The following ATG10 variants were observed in gnomAD, a reference collection of about 807,000 sequenced individuals.
The protein encoded by ATG10 is ubiquitin-like-conjugating enzyme ATG10.
In ATG10, 30 loss-of-function variants were observed where a neutral mutation model predicts 32.1. The observed-to-expected ratio is 0.94, with a 90% CI of 0.70 to 1.27. ATG10 has a LOEUF of 1.27. ATG10 is among the 50% of genes most tolerant of loss of function. ATG10 has a pLI of 0.00. For missense variants in ATG10, 233 were observed against 262.3 expected (o/e 0.89, Z 0.77); for synonymous variants, 87 against 91.5 (o/e 0.95, Z 0.28).
intron 4 of ATG10, among the ~76,000 whole-genome samples, chr5:82,176,958 A>G (rs954109555): frequency 6.6e-6 from 1 of 152,236 alleles, no homozygotes; most frequent in East Asian, 1.9e-4. Context: ...TAGGTCAAAC[A>G]TGAGAAATGC....
At chr5:82,083,498 A>G (rs900829306) in intron 3 of ATG10, among the ~76,000 whole-genome samples, 6 of 152,202 alleles carry the variant, frequency 3.9e-5, no homozygotes, top group South Asian at 2.1e-4. Context: ...CTCCCAGCAC[A>G]GAGTTTGAGA....
chr5:82,081,333 A>G (rs1438159575), intron 3 of ATG10, among the ~76,000 whole-genome samples: 1 of 152,112 alleles, frequency 6.6e-6, no homozygotes, highest in Admixed American at 6.5e-5. Context: ...CTCTTTTCCT[A>G]ATTGAATACC....
chr5:82,038,321 C>T (rs1388391285), intron 2 of ATG10, among the ~76,000 whole-genome samples: 2 of 152,150 alleles, frequency 1.3e-5, no homozygotes, highest in Non-Finnish European at 2.9e-5. Flanking sequence ...GAGCATTTAT[C>T]CATTGGTTTC....
intron 3 of ATG10, among the ~76,000 whole-genome samples, chr5:82,150,698 G>T (rs1238209454): frequency 6.6e-6 from 1 of 152,138 alleles, no homozygotes; most frequent in Non-Finnish European, 1.5e-5. Flanking sequence ...CACAGGGCTG[G>T]CCTTTCCTCA....
chr5:82,065,512 G>T (rs1316084950), intron 3 of ATG10, among the ~76,000 whole-genome samples: 3 of 151,594 alleles, frequency 2.0e-5, no homozygotes, highest in African/African-American at 7.3e-5. Flanking sequence ...AAATATAAAT[G>T]AATAATTTCA....
intron 3 of ATG10, among the ~76,000 whole-genome samples, chr5:82,127,094 G>A (rs1328986730): frequency 1.3e-5 from 2 of 152,170 alleles, no homozygotes; most frequent in African/African-American, 4.8e-5. Context: ...ATTCTCTGAT[G>A]GTAGTTTGTA....
chr5:82,216,628 A>G (rs1053796365), intron 5 of ATG10, among the ~76,000 whole-genome samples: 2 of 152,382 alleles, frequency 1.3e-5, no homozygotes, highest in East Asian at 3.9e-4. Context: ...AGCAAAAGCC[A>G]CTTCTAGATA....
intron 3 of ATG10, among the ~76,000 whole-genome samples, chr5:82,085,303 C>G (rs1446669247): frequency 1.3e-5 from 2 of 151,882 alleles, no homozygotes; most frequent in Non-Finnish European, 2.9e-5. Context: ...ATATATGCAC[C>G]CAATACAGGA....
Position 82,058,608 on chromosome 5 carries a change from T to C in ATG10, c.216+6T>C. On this transcript the variant is annotated splice_donor_region_variant and intron_variant, in intron 3 of 7. Coordinates refer to ENST00000282185, the MANE Select transcript of ATG10 (RefSeq NM_031482.5). ...AGACATGTCTTCCCATGGAGGTGAGTAGTTTAATGCATCATGTTCTTTTCA... is the reference window on the plus strand; with the variant it reads ...AGACATGTCTTCCCATGGAGGTGAGCAGTTTAATGCATCATGTTCTTTTCA... 1.9e-6 allele frequency: 3 copies of C among 1,562,306 alleles called. No homozygotes were observed. Among genetic ancestry groups the C allele is most frequent in the Non-Finnish European group, 2.6e-6 (3 of 1,135,718 alleles).
At position 82,000,920 on chromosome 5, in the gene ATG10, A is replaced by C. The variant is rs565344757; in HGVS notation, c.108+13242A>C. 2.8e-4 allele frequency among the ~76,000 whole-genome samples: 43 copies of C among 152,214 alleles called. 1 individual carries two copies. Among genetic ancestry groups the C allele is most frequent in the Admixed American group, 1.6e-3 (24 of 15,284 alleles). On this transcript the variant is annotated intron_variant, in intron 2 of 7. Transcript: ENST00000282185. ...GATCTGCTCGCCTTGGCCTCCCAAA[A>C]TGCTGGAATTACAGGTGTGAGCCAC... is the stretch of plus-strand genomic sequence containing the variant.
At chr5:82,217,190 C>T (rs1209363928) in intron 5 of ATG10, among the ~76,000 whole-genome samples, 2 of 152,098 alleles carry the variant, frequency 1.3e-5, no homozygotes, top group Non-Finnish European at 2.9e-5. Flanking sequence ...ATGAGTTTTG[C>T]AATCAAACAG....
intron 3 of ATG10, among the ~76,000 whole-genome samples, chr5:82,118,941 T>A (rs1472713432): frequency 6.6e-6 from 1 of 152,150 alleles, no homozygotes; most frequent in Non-Finnish European, 1.5e-5. Context: ...AGGAGGGCAA[T>A]GTCTTGGGAT....
At chr5:82,105,939 A>G (rs1765433953) in intron 3 of ATG10, among the ~76,000 whole-genome samples, 2 of 152,198 alleles carry the variant, frequency 1.3e-5, no homozygotes, top group South Asian at 2.1e-4. Context: ...CCTGATTTCA[A>G]TAACAATTTT....
Position 82,211,612 on chromosome 5 carries a change from C to T in ATG10, c.453+33025C>T, listed in dbSNP as rs1368858362. On this transcript the variant is annotated intron_variant, in intron 5 of 7. Coordinates refer to ENST00000282185, the MANE Select transcript of ATG10 (RefSeq NM_031482.5). ...CAAGAGGATTCTGCTTCCCCTGCACCTTCTCTTTCCTGCAGATCTCAAGCT... is the reference window on the plus strand; with the variant it reads ...CAAGAGGATTCTGCTTCCCCTGCACTTTCTCTTTCCTGCAGATCTCAAGCT... Among the ~76,000 whole-genome samples the T allele has an allele frequency of 2.6e-5, 4 of 152,306 alleles. No homozygotes were observed. In the East Asian group the frequency reaches 7.7e-4, roughly 29 times the overall value.
intron 3 of ATG10, among the ~76,000 whole-genome samples, chr5:82,076,351 A>G (rs1427995367): frequency 3.3e-5 from 5 of 152,182 alleles, no homozygotes; most frequent in Non-Finnish European, 4.4e-5. Flanking sequence ...ATCTTATTTA[A>G]AATTTTAATG....
intron 2 of ATG10, among the ~76,000 whole-genome samples, chr5:82,009,143 A>G (rs1762060445): frequency 6.6e-6 from 1 of 152,202 alleles, no homozygotes; most frequent in Admixed American, 6.5e-5. Flanking sequence ...TAAAGGGTGT[A>G]CGGTTAAAAG....
At chr5:82,208,213 TTTA>T (rs939779272) in intron 5 of ATG10, among the ~76,000 whole-genome samples, 2 of 152,146 alleles carry the variant, frequency 1.3e-5, no homozygotes, top group Non-Finnish European at 2.9e-5. Context: ...TTACTATAAG[TTTA>T]TAATAAGTCT....
rs558779158 is a variant in ATG10, at chr5:81,989,603, A to AT, written c.108+1939dup. Among the ~76,000 whole-genome samples the AT allele has an allele frequency of 3.2e-3, 458 of 143,726 alleles. 4 individuals carry two copies. The South Asian group carries it at 0.032, about 10-fold the overall frequency. The allele number at this position is 143,726 out of a possible 152,430, so 94.3% of individuals were successfully genotyped here. On this transcript the variant is annotated intron_variant, in intron 2 of 7. Coordinates refer to ENST00000282185, the MANE Select transcript of ATG10 (RefSeq NM_031482.5). ...TAGTTTTGTTTGCTATTATGTTTCA[A>AT]TTTTTTTTTTTTTTGAGACGAGTCT...
At position 82,015,495 on chromosome 5, in the gene ATG10, G is replaced by A. The variant is rs911680087; in HGVS notation, c.108+27817G>A. On this transcript the variant is annotated intron_variant, in intron 2 of 7. Transcript: ENST00000282185. The stretch of plus-strand genomic sequence containing the variant: ...GACGTAGATTTGGTCTTTTCACATA[G>A]TCCCATATTTCTTGGAGGCTTTGTT... Among the ~76,000 whole-genome samples, 4 of 152,112 alleles carry A rather than the reference G, an allele frequency of 2.6e-5. No individual in the cohort carries two copies. In the South Asian group the frequency reaches 8.3e-4, roughly 32 times the overall value.
Sources: gnomAD v4.1 joint callset for allele counts (sites outside exome capture counted in the v4.1 genomes callset) on GRCh38, gnomAD v4.1.1 for gene constraint, MANE v1.5 for transcripts, NCBI Gene and HGNC (gene_info 2026-07-23, HGNC 2026-07-21) for gene names.